The following SPECC1 variants were observed in gnomAD, a reference collection of about 807,000 sequenced individuals.
SPECC1 encodes cytospin-B.
In SPECC1, 62 loss-of-function variants were observed where a neutral mutation model predicts 104.1. The observed-to-expected ratio is 0.60, with a 90% CI of 0.49 to 0.74. The LOEUF is 0.74. SPECC1 is among the 30% of genes least tolerant of loss of function. The pLI is 0.00. For synonymous variants in SPECC1, 513 were observed against 501.6 expected, an observed-to-expected ratio of 1.02 and a Z score of -0.30; for missense variants, 1,306 against 1,310.5, an observed-to-expected ratio of 1.00 and a Z score of 0.05.
chr17:20,205,638 A>G lies in SPECC1; in HGVS notation c.1589A>G (p.Asn530Ser), dbSNP rs1246367949. The change falls in exon 4 of 15, where the codon AAT becomes AGT. Residue 530 changes from asparagine to serine, a missense_variant. By Grantham distance (46) the Asn-to-Ser change is conservative (BLOSUM62 1). Coordinates refer to ENST00000395527, the MANE Select transcript of SPECC1 (RefSeq NM_001243439.2). ...TTTCTAGAACTGGAACGGCATAATA[A>G]TAACATGATGGCCAAAACTTTGGAA... Reference protein sequence around the residue: ...NEFLELERHNNNMMAKTLEEC... With the variant: ...NEFLELERHNSNMMAKTLEEC... The G allele has an allele frequency of 3.1e-6, 5 of 1,614,110 alleles. No homozygotes were observed. The highest frequency in any genetic ancestry group is 1.1e-5 in the South Asian group (1 of 91,088).
chr17:20,253,548 T>C lies in SPECC1; in HGVS notation c.2642T>C (p.Val881Ala), dbSNP rs773977444. 5 of 1,613,874 alleles carry C rather than the reference T, an allele frequency of 3.1e-6. No homozygotes were observed. The East Asian group carries it at 6.7e-5, about 22-fold the overall frequency. The change falls in exon 10 of 15, where the codon GTG becomes GCG. Residue 881 changes from valine (V) to alanine (A), a missense_variant. Around this residue, in one of 2 missense-constraint regions of SPECC1, gnomAD observed 1,177 missense variants for 1,139.9 expected, o/e 1.03. Coordinates refer to ENST00000395527, the MANE Select transcript of SPECC1 (RefSeq NM_001243439.2). ...YSSVRPASRGVTQRLDLPDLP... is the reference protein window; with the variant it reads ...YSSVRPASRGATQRLDLPDLP... ...AGTGTGCGGCCAGCCAGCAGAGGGGTGACTCAACGCTTGGACCTTCCTGAC... is the reference window on the plus strand; with the variant it reads ...AGTGTGCGGCCAGCCAGCAGAGGGGCGACTCAACGCTTGGACCTTCCTGAC...
At chr17:20,236,731 G>T in intron 7 of SPECC1, 5 of 1,022,298 alleles carry the variant, frequency 4.9e-6, no homozygotes, top group Non-Finnish European at 6.9e-6. Flanking sequence ...AAAATCTGTT[G>T]GCCTATCCTG....
Position 20,257,498 on chromosome 17 carries a change from C to G in SPECC1, c.2728C>G (p.Arg910Gly). ...GACCCTGAAGCCAGACCCCCACCTC[C>G]GCAAGAGTCCCTCACTAGAGTCACT... ...TETLKPDPHL[R>G]KSPSLESLSR... The change falls in exon 11 of 15, where the codon CGC becomes GGC. Residue 910 changes from arginine to glycine, a missense_variant. By Grantham distance (125) the Arg-to-Gly change is moderately radical (BLOSUM62 -2). Coordinates refer to ENST00000395527, the MANE Select transcript of SPECC1 (RefSeq NM_001243439.2). The G allele has an allele frequency of 6.2e-7, 1 of 1,610,106 alleles. No homozygotes were observed. Among genetic ancestry groups the G allele is most frequent in the South Asian group, 1.1e-5 (1 of 90,300 alleles).
chr17:20,264,158 T>G (rs2040130212), intron 12 of SPECC1, among the ~76,000 whole-genome samples: 1 of 152,346 alleles, frequency 6.6e-6, no homozygotes, highest in Middle Eastern at 3.4e-3. Flanking sequence ...CATGTGTACT[T>G]GACTTAAAAT....
chr17:20,056,380 C>A (rs3862152), intron 1 of SPECC1: 1 of 189,434 alleles, frequency 5.3e-6, no homozygotes. Context: ...CCTAGCTAAC[C>A]GCAGCAAGGA....
intron 7 of SPECC1, among the ~76,000 whole-genome samples, chr17:20,245,127 G>A (rs1307677302): frequency 6.6e-6 from 1 of 152,202 alleles, no homozygotes; most frequent in Non-Finnish European, 1.5e-5. Flanking sequence ...ATTCTGTTGT[G>A]TATAATGGAT....
At chr17:20,287,423 CAAAAAAAAAAAAAAAAAAA>C (rs61713120) in intron 12 of SPECC1, among the ~76,000 whole-genome samples, 1 of 98,042 alleles carries the variant, frequency 1.0e-5, no homozygotes, top group Non-Finnish European at 2.0e-5. Flanking sequence ...GACTCCGTCT[CAAAAAAAAAAAAAAAAAAA>C]AAAAAAAAAA....
At chr17:20,030,986 G>GCTTTTT (rs2152441993) in intron 1 of SPECC1, among the ~76,000 whole-genome samples, 1 of 152,050 alleles carries the variant, frequency 6.6e-6, no homozygotes, top group Non-Finnish European at 1.5e-5. Flanking sequence ...TTTTGGTTTT[G>GCTTTTT]CTTTTTGTTT....
intron 4 of SPECC1, among the ~76,000 whole-genome samples, chr17:20,211,342 C>T (rs1241634196): frequency 6.6e-6 from 1 of 152,240 alleles, no homozygotes; most frequent in Admixed American, 6.5e-5. Context: ...TCAGCAGCTC[C>T]TGTCAACAGG....
chr17:20,286,416 C>T (rs1297618889), intron 12 of SPECC1, among the ~76,000 whole-genome samples: 1 of 152,172 alleles, frequency 6.6e-6, no homozygotes, highest in East Asian at 1.9e-4. Context: ...TACTAACATC[C>T]CTGGGGTGGT....
intron 7 of SPECC1, chr17:20,237,760 G>A (rs980857225): frequency 1.0e-5 from 2 of 192,424 alleles, no homozygotes; most frequent in African/African-American, 4.6e-5. Context: ...AAGGTTCGGC[G>A]AGTTGGAGCT....
intron 3 of SPECC1, among the ~76,000 whole-genome samples, chr17:20,200,734 C>T (rs1005564474): frequency 1.3e-5 from 2 of 152,118 alleles, no homozygotes; most frequent in African/African-American, 4.8e-5. Flanking sequence ...GGGCTGGAGG[C>T]CTGGGCTCAC....
At chr17:20,236,174 G>T (rs1325365055) in intron 7 of SPECC1, among the ~76,000 whole-genome samples, 1 of 152,148 alleles carries the variant, frequency 6.6e-6, no homozygotes, top group African/African-American at 2.4e-5. Context: ...TTCTCCTGAG[G>T]ATTCTTAAGC....
chr17:20,044,139 C>G (rs1259296347), intron 1 of SPECC1, among the ~76,000 whole-genome samples: 1 of 152,024 alleles, frequency 6.6e-6, no homozygotes, highest in Non-Finnish European at 1.5e-5. Context: ...ATCTTCTCCA[C>G]ACAGTGGAGA....
chr17:20,031,259 G>A (rs1056048817), intron 1 of SPECC1, among the ~76,000 whole-genome samples: 2 of 152,248 alleles, frequency 1.3e-5, no homozygotes, highest in Admixed American at 1.3e-4. Context: ...CTCCCAAAGT[G>A]CTGGCATTAT....
chr17:20,104,766 AG>A lies in SPECC1; in HGVS notation c.148-5660del, dbSNP rs373920836. ...AAAAAAAAAAAAAAAAAAAAAAAAA[AG>A]AAAAAAAAATTCTCTTTTGGAGGTG... is the stretch of plus-strand genomic sequence containing the variant. On this transcript the variant is annotated intron_variant, in intron 2 of 14. Coordinates refer to ENST00000395527, the MANE Select transcript of SPECC1 (RefSeq NM_001243439.2). Among the ~76,000 whole-genome samples, 455 of 147,140 alleles carry A rather than the reference AG, an allele frequency of 3.1e-3. 4 individuals are homozygous for A. Among genetic ancestry groups the A allele is most frequent in the African/African-American group, 0.011 (424 of 39,334 alleles).
At chr17:20,194,502 A>ATTATT in intron 3 of SPECC1, among the ~76,000 whole-genome samples, 2,143 of 86,232 alleles carry the variant, frequency 0.025, 57 homozygotes, top group East Asian at 0.04. Context: ...AAGAGAACGA[A>ATTATT]TTTTTTTTTT....
Position 20,241,290 on chromosome 17 carries a change from C to T in SPECC1, c.2352-4636C>T, listed in dbSNP as rs1598068141. ...GCGTGCCCCTCATCCATTTTAGGTG[C>T]ACACTGTGGCTCTTCCTATCCTGCC... On this transcript the variant is annotated intron_variant, in intron 7 of 14. Coordinates refer to ENST00000395527, the MANE Select transcript of SPECC1 (RefSeq NM_001243439.2). Among the ~76,000 whole-genome samples, 2 of 152,174 alleles carry T rather than the reference C, an allele frequency of 1.3e-5. 1 individual carries two copies. Among genetic ancestry groups the T allele is most frequent in the East Asian group, 3.8e-4 (2 of 5,196 alleles).
intron 3 of SPECC1, among the ~76,000 whole-genome samples, chr17:20,153,767 T>C (rs1392088910): frequency 6.6e-6 from 1 of 152,230 alleles, no homozygotes; most frequent in African/African-American, 2.4e-5. Context: ...ATGTAACTGT[T>C]CTGTAGATTG....
Sources: gnomAD v4.1 joint callset for allele counts (sites outside exome capture counted in the v4.1 genomes callset) on GRCh38, gnomAD v4.1.1 for gene constraint, gnomAD v4.1.1 regional missense constraint, MANE v1.5 for transcripts, NCBI Gene and HGNC (gene_info 2026-07-23, HGNC 2026-07-21) for gene names.